Variants in QKI observed in about 807,000 individuals in gnomAD.
The protein encoded by QKI is KH domain-containing RNA-binding protein QKI.
A neutral mutation model predicts 39.0 loss-of-function variants in QKI; 10 were observed. That is an observed-to-expected ratio of 0.26 (90% CI 0.16 to 0.43). The LOEUF (loss-of-function observed/expected upper bound fraction) is 0.43. QKI is among the 20% of genes least tolerant of loss of function. QKI has a pLI of 1.00. For missense variants in QKI, 218 were observed against 428.0 expected (o/e 0.51, Z 4.33); for synonymous variants, 204 against 155.4 (o/e 1.31, Z -2.33).
At chr6:163,545,145 A>T (rs1254359591) in intron 4 of QKI, among the ~76,000 whole-genome samples, 1 of 152,106 alleles carries the variant, frequency 6.6e-6, no homozygotes, top group Non-Finnish European at 1.5e-5. Context: ...TCTCATGGGT[A>T]TGTGCTGCTT....
At chr6:163,444,945 C>G (rs1025792173) in intron 1 of QKI, among the ~76,000 whole-genome samples, 1 of 151,974 alleles carries the variant, frequency 6.6e-6, no homozygotes, top group African/African-American at 2.4e-5. Flanking sequence ...GGGTCCTGCT[C>G]TGTCACCCAG....
chr6:163,494,117 A>G (rs1455681598), intron 3 of QKI, among the ~76,000 whole-genome samples: 4 of 152,214 alleles, frequency 2.6e-5, no homozygotes, highest in Admixed American at 2.6e-4. Context: ...AGCCAACCAC[A>G]GATCAAAAAA....
intron 1 of QKI, among the ~76,000 whole-genome samples, chr6:163,452,103 G>C (rs1790608603): frequency 1.3e-5 from 2 of 152,234 alleles, no homozygotes; most frequent in South Asian, 2.1e-4. Context: ...CACAGACACA[G>C]AGAGGTTGTA....
intron 1 of QKI, among the ~76,000 whole-genome samples, chr6:163,424,094 A>T (rs763113002): frequency 6.6e-6 from 1 of 152,240 alleles, no homozygotes; most frequent in Non-Finnish European, 1.5e-5. Flanking sequence ...TGCTCATTTC[A>T]AATAATTCAA....
At chr6:163,568,181 A>T (rs1163840659) in intron 7 of QKI, 1 of 984,856 alleles carries the variant, frequency 1.0e-6, no homozygotes, top group Non-Finnish European at 1.2e-6. Context: ...CAATTCCATG[A>T]ATAATTTGAG....
At chr6:163,438,518 G>A (rs80323441) in intron 1 of QKI, among the ~76,000 whole-genome samples, 4,244 of 152,290 alleles carry the variant, frequency 0.028, 194 homozygotes, top group African/African-American at 0.096. Flanking sequence ...GTATGGTATA[G>A]CCTTTTTTGT....
intron 4 of QKI, among the ~76,000 whole-genome samples, chr6:163,550,718 A>G (rs6934729): frequency 0.048 from 7,349 of 152,178 alleles, 607 homozygotes; most frequent in African/African-American, 0.17. Context: ...AGGCTGAGGC[A>G]GGTGGATCAC....
chr6:163,500,887 CACAT>C (rs926164374), intron 3 of QKI, among the ~76,000 whole-genome samples: 1 of 152,126 alleles, frequency 6.6e-6, no homozygotes, highest in African/African-American at 2.4e-5. Flanking sequence ...CACGCCCACA[CACAT>C]AACTGACAAT....
chr6:163,458,461 A>C (rs1359351081), intron 2 of QKI, among the ~76,000 whole-genome samples: 1 of 152,242 alleles, frequency 6.6e-6, no homozygotes, highest in Admixed American at 6.5e-5. Context: ...TGGTGTATTC[A>C]CAATAAGTAT....
chr6:163,467,187 G>A (rs1373870512), intron 2 of QKI, among the ~76,000 whole-genome samples: 10 of 152,188 alleles, frequency 6.6e-5, no homozygotes, highest in South Asian at 4.1e-4. Flanking sequence ...GTGTACATGC[G>A]TGGGCACAGT....
At chr6:163,462,714 G>A (rs562552426) in intron 2 of QKI, among the ~76,000 whole-genome samples, 102 of 152,314 alleles carry the variant, frequency 6.7e-4, no homozygotes, top group African/African-American at 2.3e-3. Flanking sequence ...ATGTTTGTGT[G>A]TGGTCTGTGC....
At chr6:163,564,366 A>C (rs1484266524) in intron 6 of QKI, 12 of 1,182,448 alleles carry the variant, frequency 1.0e-5, no homozygotes, top group African/African-American at 1.5e-5. Context: ...AGCCATTATA[A>C]TCTTATGGGA....
At chr6:163,505,666 C>A (rs1045256299) in intron 3 of QKI, among the ~76,000 whole-genome samples, 3 of 151,598 alleles carry the variant, frequency 2.0e-5, no homozygotes, top group Admixed American at 1.3e-4. Context: ...AATGCCTGTA[C>A]ACCCATTCTA....
intron 1 of QKI, among the ~76,000 whole-genome samples, chr6:163,421,064 A>G (rs1204107090): frequency 6.8e-6 from 1 of 147,510 alleles, no homozygotes; most frequent in African/African-American, 2.4e-5. Context: ...GTATGTGCAC[A>G]TGGTTTAAAA....
chr6:163,448,351 T>C (rs967731985), intron 1 of QKI, among the ~76,000 whole-genome samples: 3 of 150,606 alleles, frequency 2.0e-5, no homozygotes, highest in East Asian at 1.9e-4. Context: ...TTTTTTTTTT[T>C]CTTGCCAGTT....
intron 3 of QKI, among the ~76,000 whole-genome samples, chr6:163,533,025 ACTATATCTT>A (rs2128240754): frequency 6.6e-6 from 1 of 152,212 alleles, no homozygotes; most frequent in South Asian, 2.1e-4. Context: ...GGTTCCTGTT[ACTATATCTT>A]GCCTGGAAAC....
chr6:163,458,464 A>G (rs952003027), intron 2 of QKI, among the ~76,000 whole-genome samples: 16 of 152,242 alleles, frequency 1.1e-4, no homozygotes, highest in Admixed American at 2.6e-4. Flanking sequence ...TGTATTCACA[A>G]TAAGTATTTG....
At chr6:163,461,372 G>C (rs1297682621) in intron 2 of QKI, among the ~76,000 whole-genome samples, 1 of 152,176 alleles carries the variant, frequency 6.6e-6, no homozygotes, top group Non-Finnish European at 1.5e-5. Context: ...AGGCCTCTCT[G>C]AGTTTTAAAA....
At position 163,576,643 on chromosome 6, in the gene QKI, T is replaced by G. The variant is rs1159595359; in HGVS notation, c.*5933T>G. On this transcript the variant is annotated 3_prime_UTR_variant, in exon 8 of 8. Coordinates refer to ENST00000361752, the MANE Select transcript of QKI (RefSeq NM_006775.3). ...ATGTGAACGGAGAACTGCATGACCG[T>G]ACATGAAATGCAATAAACCAACTGG... 3 of 152,136 alleles carry G rather than the reference T, an allele frequency of 2.0e-5. No individual in the cohort carries two copies. The highest frequency in any genetic ancestry group is 7.2e-5 in the African/African-American group (3 of 41,414). 9.4% of individuals were successfully genotyped at this position (152,136 alleles called of 1,614,324 possible). A position where few individuals can be genotyped will look rare whatever the true frequency, so the allele number is the denominator to read the frequency against.
Sources: gnomAD v4.1 joint callset for allele counts (sites outside exome capture counted in the v4.1 genomes callset) on GRCh38, gnomAD v4.1.1 for gene constraint, MANE v1.5 for transcripts, NCBI Gene and HGNC (gene_info 2026-07-23, HGNC 2026-07-21) for gene names.